Variants in PDPK1 observed in about 807,000 individuals in gnomAD.
The protein encoded by PDPK1 is 3-phosphoinositide-dependent protein kinase 1.
PDPK1 carries 7 observed loss-of-function variants against 39.8 expected under a neutral mutation model. That is an observed-to-expected ratio of 0.18 (90% CI 0.10 to 0.33). PDPK1 has a LOEUF of 0.33. Among genes scored for constraint, PDPK1 ranks in the 10% least tolerant of loss-of-function variants. The pLI is 1.00. For synonymous variants in PDPK1, 118 were observed against 159.1 expected (o/e 0.74, Z 1.95); for missense variants, 182 against 384.7 (o/e 0.47, Z 4.41).
chr16:2,587,232 G>C (rs1039471618), intron 11 of PDPK1, among the ~76,000 whole-genome samples: 1 of 152,184 alleles, frequency 6.6e-6, no homozygotes, highest in Non-Finnish European at 1.5e-5. Flanking sequence ...TTTCCACATA[G>C]CTTTCCCCAC....
intron 1 of PDPK1, among the ~76,000 whole-genome samples, chr16:2,542,751 G>A (rs1226644288): frequency 6.6e-6 from 1 of 152,186 alleles, no homozygotes; most frequent in African/African-American, 2.4e-5. Flanking sequence ...CTTGTAGCAC[G>A]CAGGGATTCG....
rs774715423 is a variant in PDPK1, at chr16:2,541,442, G to GT, written c.24+3309dup. ...TGGCCAGTCCCTTCTGAGAGGATGT[G>GT]TTTGGAAGAGAGTGGGCACTGGCGT... On this transcript the variant is annotated intron_variant, in intron 1 of 13. Coordinates refer to ENST00000342085, the MANE Select transcript of PDPK1 (RefSeq NM_002613.5). Among the ~76,000 whole-genome samples, 8 of 152,330 alleles carry GT rather than the reference G, an allele frequency of 5.3e-5. No homozygotes were observed. In the South Asian group the frequency reaches 8.3e-4, roughly 16 times the overall value.
At chr16:2,540,656 A>C (rs371175422) in intron 1 of PDPK1, among the ~76,000 whole-genome samples, 1 of 152,036 alleles carries the variant, frequency 6.6e-6, no homozygotes, top group South Asian at 2.1e-4. Flanking sequence ...AGAACTGTAC[A>C]TATTTCTTTG....
At chr16:2,586,525 G>A (rs573862757) in intron 10 of PDPK1, 151 bp from the exon 11 acceptor site, 2 of 641,222 alleles carry the variant, frequency 3.1e-6, no homozygotes, top group Non-Finnish European at 5.5e-6. Flanking sequence ...GGTGTCCCAT[G>A]GAGGAGAATC....
At position 2,558,479 on chromosome 16, in the gene PDPK1, G is replaced by A. The variant is rs1448794922; in HGVS notation, c.285+516G>A. 4.0e-5 allele frequency among the ~76,000 whole-genome samples: 6 copies of A among 150,686 alleles called. 1 individual carries two copies. Among genetic ancestry groups the A allele is most frequent in the African/African-American group, 1.5e-4 (6 of 40,172 alleles). On this transcript the variant is annotated intron_variant, in intron 2 of 13. Transcript: ENST00000342085. ...CACAGCCTCCAGAGTCTTGTGTTCC[G>A]AGTTTCACAAACAGGAGTATTGTCG...
chr16:2,585,861 C>T (rs1401332887), intron 10 of PDPK1, among the ~76,000 whole-genome samples: 7 of 152,204 alleles, frequency 4.6e-5, no homozygotes, highest in African/African-American at 4.8e-5. Flanking sequence ...TCTGGAGGCA[C>T]GGAGGACGTG....
At position 2,597,104 on chromosome 16, in the gene PDPK1, T is replaced by C; in HGVS notation, c.1402-19T>C. 1 of 1,540,104 alleles carries C rather than the reference T, an allele frequency of 6.5e-7. No homozygotes were observed. Among genetic ancestry groups the C allele is most frequent in the Non-Finnish European group, 8.8e-7 (1 of 1,135,698 alleles). ...CAGCACTGGCCTCTGAGGCCTGTTGTTTTGTGTTTTGGCGTCAGGGTTTAT... is the reference window on the plus strand; with the variant it reads ...CAGCACTGGCCTCTGAGGCCTGTTGCTTTGTGTTTTGGCGTCAGGGTTTAT... On this transcript the variant is annotated intron_variant, in intron 12 of 13. Coordinates refer to ENST00000342085, the MANE Select transcript of PDPK1 (RefSeq NM_002613.5). The surrounding 1 kb of genome is among the most constrained non-coding windows in gnomAD (Gnocchi z 6.3).
At chr16:2,551,520 G>A (rs1172337260) in intron 1 of PDPK1, among the ~76,000 whole-genome samples, 2 of 151,008 alleles carry the variant, frequency 1.3e-5, no homozygotes, top group Non-Finnish European at 2.9e-5. Context: ...TCTACCTGTC[G>A]CACTGCATTC....
intron 1 of PDPK1, chr16:2,538,867 T>A (rs1233598511): frequency 4.8e-6 from 4 of 827,172 alleles, no homozygotes; most frequent in Non-Finnish European, 4.9e-6. Flanking sequence ...TTTCTCTCTA[T>A]CGCTAAAAGT....
intron 1 of PDPK1, among the ~76,000 whole-genome samples, chr16:2,545,157 C>T (rs2066318054): frequency 6.6e-6 from 1 of 150,852 alleles, no homozygotes; most frequent in Non-Finnish European, 1.5e-5. Flanking sequence ...CTGCCTCTGC[C>T]TCCCAAGTAG....
At chr16:2,589,175 C>T (rs1301344162) in intron 11 of PDPK1, among the ~76,000 whole-genome samples, 4 of 152,090 alleles carry the variant, frequency 2.6e-5, no homozygotes, top group Non-Finnish European at 4.4e-5. Flanking sequence ...AGTCTGGTTT[C>T]GAACTCCTGA....
intron 1 of PDPK1, among the ~76,000 whole-genome samples, chr16:2,552,184 C>T (rs963287514): frequency 4.0e-5 from 6 of 149,616 alleles, no homozygotes; most frequent in African/African-American, 9.9e-5. Flanking sequence ...ATTGCACAGA[C>T]TGGTCTTGGA....
rs2067157508 is a variant in PDPK1 at position 2,598,929 on chromosome 16, G to A, written c.*1162G>A. Reference sequence around the variant, plus strand: ...AGAAATCTCACAGCCTTCTCATGCTGCCGGCTCATCTGGGCCCATAGAGTG... The same window carrying A: ...AGAAATCTCACAGCCTTCTCATGCTACCGGCTCATCTGGGCCCATAGAGTG... On this transcript the variant is annotated 3_prime_UTR_variant, in exon 14 of 14. Coordinates refer to ENST00000342085, the MANE Select transcript of PDPK1 (RefSeq NM_002613.5). The A allele has an allele frequency of 3.9e-5, 9 of 233,290 alleles. No homozygotes were observed. In the East Asian group the frequency reaches 5.4e-4, roughly 14 times the overall value. The allele number at this position is 233,290 out of a possible 1,614,324, so 14.5% of individuals were successfully genotyped here.
At chr16:2,596,330 C>T (rs1263160347) in intron 12 of PDPK1, among the ~76,000 whole-genome samples, 1 of 152,090 alleles carries the variant, frequency 6.6e-6, no homozygotes, top group African/African-American at 2.4e-5. Flanking sequence ...TAGCTGGGAC[C>T]ACAGGCGCCC....
intron 10 of PDPK1, among the ~76,000 whole-genome samples, chr16:2,585,680 G>A (rs866936290): frequency 1.3e-5 from 2 of 152,220 alleles, no homozygotes; most frequent in Admixed American, 6.5e-5. Context: ...TGGAGGGGCC[G>A]GCAGCGTCGG....
rs577316175 is a variant in PDPK1, at chr16:2,602,358, T to G, written c.*4591T>G. The G allele has an allele frequency of 1.3e-4, 30 of 234,870 alleles. No individual in the cohort carries two copies. In the South Asian group the frequency reaches 4.5e-3, roughly 35 times the overall value. The allele number at this position is 234,870 out of a possible 1,614,324, so 14.5% of individuals were successfully genotyped here. ...GAACTGGTGTGAGGAGGAAGCTGTTTCCAACAAAGAGCACTTTCATCTGTT... is the reference window on the plus strand; with the variant it reads ...GAACTGGTGTGAGGAGGAAGCTGTTGCCAACAAAGAGCACTTTCATCTGTT... On this transcript the variant is annotated 3_prime_UTR_variant, in exon 14 of 14. Coordinates refer to ENST00000342085, the MANE Select transcript of PDPK1 (RefSeq NM_002613.5).
At chr16:2,587,955 G>A (rs952921556) in intron 11 of PDPK1, among the ~76,000 whole-genome samples, 1 of 152,158 alleles carries the variant, frequency 6.6e-6, no homozygotes, top group African/African-American at 2.4e-5. Flanking sequence ...TCCCTTTTGT[G>A]TGGGCAGAGA....
chr16:2,593,952 G>A lies in PDPK1; in HGVS notation c.1344-1841G>A, dbSNP rs2067046641. 6.6e-6 allele frequency: 1 copy of A among 152,314 alleles called. No homozygotes were observed. The highest frequency in any genetic ancestry group is 2.4e-5 in the African/African-American group (1 of 41,464). 9.4% of individuals were successfully genotyped at this position (152,314 alleles called of 1,614,324 possible). A position where few individuals can be genotyped will look rare whatever the true frequency, so the allele number is the denominator to read the frequency against. On this transcript the variant is annotated intron_variant, in intron 11 of 13. Coordinates refer to ENST00000342085, the MANE Select transcript of PDPK1 (RefSeq NM_002613.5). The surrounding 1 kb of genome is among the most constrained non-coding windows in gnomAD (Gnocchi z 4.2). ...TGTTTGCAGGCGAAGTCCCTGGTGC[G>A]AGAGGAGGGCTGCACTTGCCCGCAT...
rs76764246 is a variant in PDPK1, at chr16:2,600,359, A to C, written c.*2592A>C. ...GGACCACACTGTGCGGCTTCTCGGC[A>C]CAAAGCGGAGGGAGGCTGTGGTCGC... On this transcript the variant is annotated 3_prime_UTR_variant, in exon 14 of 14. Coordinates refer to ENST00000342085, the MANE Select transcript of PDPK1 (RefSeq NM_002613.5). The C allele has an allele frequency of 3.4e-4, 80 of 233,114 alleles. No homozygotes were observed. In the Middle Eastern group the frequency reaches 3.8e-3, roughly 11 times the overall value. The allele number at this position is 233,114 out of a possible 1,614,324, so 14.4% of individuals were successfully genotyped here. A position where few individuals can be genotyped will look rare whatever the true frequency, so the allele number is the denominator to read the frequency against.
Sources: gnomAD v4.1 joint callset for allele counts (sites outside exome capture counted in the v4.1 genomes callset) on GRCh38, gnomAD v4.1.1 for gene constraint, Gnocchi (gnomAD v3.1) non-coding constraint, MANE v1.5 for transcripts, NCBI Gene and HGNC (gene_info 2026-07-23, HGNC 2026-07-21) for gene names.